The following FGD3 variants were observed in gnomAD, a reference collection of about 807,000 sequenced individuals.
The protein encoded by FGD3 is FYVE, RhoGEF and PH domain-containing protein 3.
FGD3 carries 45 observed loss-of-function variants against 71.8 expected under a neutral mutation model. That is an observed-to-expected ratio of 0.63 (90% CI 0.49 to 0.80). FGD3 has a LOEUF of 0.80. FGD3 is among the 30% of genes least tolerant of loss of function. FGD3 has a pLI of 0.00. For synonymous variants in FGD3, 378 were observed against 392.8 expected (o/e 0.96, Z 0.44); for missense variants, 844 against 951.5 (o/e 0.89, Z 1.49).
At chr9:92,977,085 T>C (rs1425109730) in intron 3 of FGD3, among the ~76,000 whole-genome samples, 1 of 152,130 alleles carries the variant, frequency 6.6e-6, no homozygotes, top group African/African-American at 2.4e-5. Context: ...GGAGACGATG[T>C]GAGTGGGGAA....
intron 1 of FGD3, among the ~76,000 whole-genome samples, chr9:92,973,750 C>G (rs1300914732): frequency 6.6e-6 from 1 of 152,214 alleles, no homozygotes; most frequent in Non-Finnish European, 1.5e-5. Flanking sequence ...GTGGTTCTTT[C>G]TCTGGCCTCA....
At chr9:92,965,056 G>T (rs544446769) in intron 1 of FGD3, among the ~76,000 whole-genome samples, 1 of 152,218 alleles carries the variant, frequency 6.6e-6, no homozygotes. Context: ...GGACAGTGGC[G>T]GGGCCACCTC....
chr9:92,956,594 C>A (rs1178626411), intron 1 of FGD3, among the ~76,000 whole-genome samples: 2 of 152,118 alleles, frequency 1.3e-5, no homozygotes, highest in African/African-American at 4.8e-5. Flanking sequence ...AGAAACCAAC[C>A]CTGCCAACAC....
In FGD3 at chr9:93,011,852, T is replaced by C. The variant is rs1861404468; in HGVS notation, c.1035+580T>C. Among the ~76,000 whole-genome samples, 4 of 137,804 alleles carry C rather than the reference T, an allele frequency of 2.9e-5. No homozygotes were observed. In the South Asian group the frequency reaches 9.3e-4, roughly 32 times the overall value. The allele number at this position is 137,804 out of a possible 152,430, so 90.4% of individuals were successfully genotyped here. On this transcript the variant is annotated intron_variant, in intron 8 of 17. Transcript: ENST00000375482. ...GCCTGTGCAACAGAGTGAGACTCCG[T>C]CTCAAAAAAAAAAGAATCACTCTAG... is the stretch of plus-strand genomic sequence containing the variant.
At chr9:92,971,666 C>G (rs141600385) in intron 1 of FGD3, among the ~76,000 whole-genome samples, 53 of 144,500 alleles carry the variant, frequency 3.7e-4, no homozygotes, top group African/African-American at 1.2e-3. Flanking sequence ...ACCTCCGCCT[C>G]CAGGGTTCAA....
intron 1 of FGD3, among the ~76,000 whole-genome samples, chr9:92,962,822 TC>T (rs1465218963): frequency 6.6e-6 from 1 of 150,736 alleles, no homozygotes; most frequent in Non-Finnish European, 1.5e-5. Flanking sequence ...GCACCTATAA[TC>T]CCAGCTACTT....
At position 93,035,669 on chromosome 9, in the gene FGD3, A is replaced by T; in HGVS notation, c.*80A>T. The T allele has an allele frequency of 6.0e-6, 9 of 1,501,192 alleles. No homozygotes were observed. The highest frequency in any genetic ancestry group is 8.0e-6 in the Non-Finnish European group (9 of 1,127,732). The allele number at this position is 1,501,192 out of a possible 1,614,324, so 93.0% of individuals were successfully genotyped here. On this transcript the variant is annotated 3_prime_UTR_variant, in exon 18 of 18. Coordinates refer to ENST00000375482, the MANE Select transcript of FGD3 (RefSeq NM_001083536.2). ...AGGTGGTGTTGGAGGCCCCATGAAG[A>T]GCGCCCTGGACTGCTGAGGGTGGGC... is the stretch of plus-strand genomic sequence containing the variant.
chr9:92,979,082 A>G (rs1859890621), intron 3 of FGD3, among the ~76,000 whole-genome samples: 1 of 151,788 alleles, frequency 6.6e-6, no homozygotes, highest in Non-Finnish European at 1.5e-5. Flanking sequence ...TTCCTTTCCA[A>G]TTTGGATGAC....
intron 3 of FGD3, among the ~76,000 whole-genome samples, chr9:92,999,743 A>T (rs1328358441): frequency 6.6e-6 from 1 of 151,790 alleles, no homozygotes; most frequent in Non-Finnish European, 1.5e-5. Flanking sequence ...ACAGGTGCCT[A>T]CTATCACGCC....
chr9:92,959,706 CAAAAAAAAA>C (rs10658844), intron 1 of FGD3, among the ~76,000 whole-genome samples: 8 of 80,534 alleles, frequency 9.9e-5, no homozygotes, highest in African/African-American at 3.7e-4. Context: ...AACTCAGTCT[CAAAAAAAAA>C]AAAAAAAAAA....
At chr9:93,017,894 C>G (rs1032916831) in intron 10 of FGD3, among the ~76,000 whole-genome samples, 3 of 152,220 alleles carry the variant, frequency 2.0e-5, no homozygotes, top group African/African-American at 7.2e-5. Context: ...GAGTTCCAAG[C>G]ACAGAAGATG....
intron 17 of FGD3, 53 bp downstream of exon 17, chr9:93,034,734 C>T: frequency 1.3e-6 from 2 of 1,570,490 alleles, no homozygotes. Context: ...GAGCCTCAGG[C>T]CTGAGGCACC....
chr9:93,034,474 G>A, intron 16 of FGD3, 67 bp from the exon 17 acceptor site: 1 of 1,510,130 alleles, frequency 6.6e-7, no homozygotes, highest in Non-Finnish European at 8.9e-7. Flanking sequence ...CCCTACCCCA[G>A]CCTCCTCAGA....
At chr9:92,948,602 T>C (rs1422749152) in intron 1 of FGD3, among the ~76,000 whole-genome samples, 3 of 152,238 alleles carry the variant, frequency 2.0e-5, no homozygotes, top group Non-Finnish European at 2.9e-5. Context: ...TGAGTGCGTG[T>C]GTGTGTGTTA....
chr9:93,034,582 C>A lies in FGD3; in HGVS notation c.1827C>A (p.Gly609=), dbSNP rs575743191. The change falls in exon 17 of 18, where the codon GGC becomes GGA. Residue 609 remains glycine (G), a synonymous_variant. Coordinates refer to ENST00000375482, the MANE Select transcript of FGD3 (RefSeq NM_001083536.2). ...ACCCCCAGCCCAGCCTGCTCTGCGG[C>A]CCCCTGCGGCTGTCAGAGAGCGGTG... ...TADPQPSLLC[G]PLRLSESGET... The A allele has an allele frequency of 2.4e-5, 38 of 1,613,230 alleles. 2 individuals are homozygous for A. The South Asian group carries it at 4.0e-4, about 17-fold the overall frequency.
intron 11 of FGD3, among the ~76,000 whole-genome samples, chr9:93,019,483 G>C (rs2118787040): frequency 6.6e-6 from 1 of 152,342 alleles, no homozygotes; most frequent in South Asian, 2.1e-4. Context: ...TGTTTGAAAT[G>C]TTGGTGGCTG....
At position 92,969,890 on chromosome 9, in the gene FGD3, G is replaced by A. The variant is rs1490924205; in HGVS notation, c.-217-5348G>A. 6.6e-6 allele frequency among the ~76,000 whole-genome samples: 1 copy of A among 152,210 alleles called. No individual in the cohort carries two copies. The highest frequency in any genetic ancestry group is 2.4e-5 in the African/African-American group (1 of 41,444). On this transcript the variant is annotated intron_variant, in intron 1 of 17. Transcript: ENST00000375482. The surrounding 1 kb of genome is among the most constrained non-coding windows in gnomAD (Gnocchi z 4.5). ...GTTCTAGGACACCCTGGATTCTGGG[G>A]CATTCTAAATTTCTTCAGGTTTGTG...
rs781202531 is a variant in FGD3 at position 93,006,148 on chromosome 9, C to A, written c.805C>A (p.Pro269Thr). Residue 269 changes from proline to threonine, a missense_variant, in exon 6 of 18, where the codon CCA becomes ACA. Physicochemically the swap from Pro to Thr is conservative, Grantham distance 38. Transcript: ENST00000375482. ...GLVSTWTQRS[P>T]LFKDVVHSIQ... Reference sequence around the variant, plus strand: ...GGTGAGCACGTGGACCCAGCGCTCCCCACTGTTTAAAGACGTCGTCCACAG... The same window carrying A: ...GGTGAGCACGTGGACCCAGCGCTCCACACTGTTTAAAGACGTCGTCCACAG... The A allele has an allele frequency of 6.2e-7, 1 of 1,606,858 alleles. No homozygotes were observed. Among genetic ancestry groups the A allele is most frequent in the Non-Finnish European group, 8.5e-7 (1 of 1,176,302 alleles).
At chr9:93,011,372 G>A in intron 8 of FGD3, 100 bp downstream of exon 8, 5 of 1,433,886 alleles carry the variant, frequency 3.5e-6, no homozygotes, top group Non-Finnish European at 4.9e-6. Flanking sequence ...CCTTTGGGGG[G>A]CTCCACAAGT....
Sources: allele counts gnomAD v4.1 joint callset (sites outside exome capture counted in the v4.1 genomes callset), GRCh38; gene constraint gnomAD v4.1.1; non-coding constraint Gnocchi (gnomAD v3.1); transcripts MANE v1.5; gene names NCBI Gene and HGNC (gene_info 2026-07-23, HGNC 2026-07-21).